The following PIGU variants were observed in gnomAD, a reference collection of about 807,000 sequenced individuals.
The protein encoded by PIGU is phosphatidylinositol glycan anchor biosynthesis class U.
Under a neutral mutation model 49.9 loss-of-function variants are expected in PIGU, and 24 were observed. The ratio of observed to expected loss-of-function variants is 0.48; its 90% CI spans 0.35 to 0.68. PIGU has a LOEUF of 0.68. PIGU is among the 30% of genes least tolerant of loss of function. PIGU has a pLI of 0.01. For synonymous variants in PIGU, 220 were observed against 205.7 expected (o/e 1.07, Z -0.59); for missense variants, 490 against 532.6 (o/e 0.92, Z 0.79).
At chr20:34,640,019 G>T (rs191488986) in intron 4 of PIGU, among the ~76,000 whole-genome samples, 7 of 152,290 alleles carry the variant, frequency 4.6e-5, no homozygotes, top group Non-Finnish European at 7.4e-5. Context: ...CACCTGGAGT[G>T]GGTGAGATCC....
chr20:34,676,839 ACAGT>A (rs1208924610), intron 1 of PIGU, 113 bp downstream of exon 1: 36 of 1,279,514 alleles, frequency 2.8e-5, no homozygotes, highest in African/African-American at 7.5e-5. Context: ...ACCCCACGAG[ACAGT>A]CAGTTAGTTC....
chr20:34,626,469 A>G (rs1451982236), intron 6 of PIGU, among the ~76,000 whole-genome samples: 2 of 151,950 alleles, frequency 1.3e-5, no homozygotes, highest in East Asian at 3.9e-4. Context: ...CGCCCTGCTA[A>G]TTTTTGTATT....
At chr20:34,565,103 G>C (rs1342532277) in intron 11 of PIGU, among the ~76,000 whole-genome samples, 1 of 152,228 alleles carries the variant, frequency 6.6e-6, no homozygotes, top group Non-Finnish European at 1.5e-5. Flanking sequence ...CCTTTGCCCA[G>C]TCTGGACAGG....
At chr20:34,624,531 G>A (rs1271330638) in intron 6 of PIGU, among the ~76,000 whole-genome samples, 1 of 152,198 alleles carries the variant, frequency 6.6e-6, no homozygotes, top group East Asian at 1.9e-4. Flanking sequence ...AAGGAAAGCT[G>A]GAAGAACCCT....
At chr20:34,591,911 G>A (rs1186530617) in intron 7 of PIGU, among the ~76,000 whole-genome samples, 1 of 152,204 alleles carries the variant, frequency 6.6e-6, no homozygotes, top group Admixed American at 6.5e-5. Flanking sequence ...TTGGTAGGCC[G>A]GCGTGTTGGC....
chr20:34,672,412 C>A (rs1418060226), intron 1 of PIGU, among the ~76,000 whole-genome samples: 1 of 152,146 alleles, frequency 6.6e-6, no homozygotes, highest in Non-Finnish European at 1.5e-5. Context: ...TGGGATACCC[C>A]CCTTGTGTAC....
At chr20:34,590,095 C>CAA (rs1211608278) in intron 7 of PIGU, among the ~76,000 whole-genome samples, 3 of 127,790 alleles carry the variant, frequency 2.3e-5, no homozygotes, top group African/African-American at 5.8e-5. Context: ...ATGTTTTCCT[C>CAA]AAAAAAAAAA....
At position 34,612,981 on chromosome 20, in the gene PIGU, T is replaced by TA. The variant is rs1476204516; in HGVS notation, c.627+3060dup. On this transcript the variant is annotated intron_variant, in intron 7 of 11. Coordinates refer to ENST00000217446, the MANE Select transcript of PIGU (RefSeq NM_080476.5). The stretch of plus-strand genomic sequence containing the variant: ...TACACCAGGCTACTTCATATATTTA[T>TA]AAAAAATATACAAATATAGTAGGAA... Among the ~76,000 whole-genome samples the TA allele has an allele frequency of 4.0e-4, 61 of 152,112 alleles. 1 individual carries two copies. The highest frequency in any genetic ancestry group is 4.4e-5 in the Non-Finnish European group (3 of 68,016).
intron 10 of PIGU, among the ~76,000 whole-genome samples, chr20:34,578,557 G>T (rs1024936569): frequency 6.6e-6 from 1 of 152,240 alleles, no homozygotes; most frequent in Non-Finnish European, 1.5e-5. Flanking sequence ...CAGACAGGGT[G>T]ACAGGAAGGA....
intron 2 of PIGU, among the ~76,000 whole-genome samples, chr20:34,652,919 G>A (rs1334681237): frequency 6.6e-6 from 1 of 150,494 alleles, no homozygotes; most frequent in African/African-American, 2.4e-5. Context: ...AAAAAATTAT[G>A]TGTTTTGCTG....
chr20:34,599,797 G>A (rs1443483683), intron 7 of PIGU, among the ~76,000 whole-genome samples: 1 of 152,186 alleles, frequency 6.6e-6, no homozygotes, highest in Non-Finnish European at 1.5e-5. Flanking sequence ...TAGATCTTAG[G>A]TGAGAGGAAT....
intron 11 of PIGU, chr20:34,562,348 C>G: frequency 5.2e-6 from 6 of 1,159,394 alleles, no homozygotes; most frequent in Non-Finnish European, 2.2e-6. Context: ...AGGCACAGAG[C>G]ACTTGGCTAT....
chr20:34,591,836 T>C (rs961591374), intron 7 of PIGU, among the ~76,000 whole-genome samples: 1 of 152,200 alleles, frequency 6.6e-6, no homozygotes, highest in African/African-American at 2.4e-5. Context: ...ATACCTCATA[T>C]TACTATTTGT....
intron 4 of PIGU, among the ~76,000 whole-genome samples, chr20:34,640,491 GCGCA>G (rs1343932240): frequency 8.2e-5 from 4 of 48,710 alleles, no homozygotes; most frequent in African/African-American, 2.1e-4. Flanking sequence ...ACACACATGT[GCGCA>G]CGCGCACACA....
intron 1 of PIGU, among the ~76,000 whole-genome samples, chr20:34,660,982 G>T (rs945099017): frequency 3.3e-5 from 5 of 151,710 alleles, no homozygotes; most frequent in African/African-American, 7.3e-5. Flanking sequence ...GTGAATGAAA[G>T]GTAAACAGGA....
intron 10 of PIGU, among the ~76,000 whole-genome samples, chr20:34,578,452 C>T (rs931604525): frequency 1.3e-5 from 2 of 152,174 alleles, no homozygotes; most frequent in African/African-American, 4.8e-5. Flanking sequence ...AATTATTTTG[C>T]TGAAAAGAAT....
chr20:34,674,492 T>C (rs151079341), intron 1 of PIGU, among the ~76,000 whole-genome samples: 2 of 152,338 alleles, frequency 1.3e-5, no homozygotes, highest in East Asian at 3.9e-4. Flanking sequence ...CTGTCCATCC[T>C]GTAAGTAACC....
At chr20:34,589,743 C>T (rs966224571) in intron 7 of PIGU, among the ~76,000 whole-genome samples, 13 of 148,518 alleles carry the variant, frequency 8.8e-5, no homozygotes, top group African/African-American at 3.2e-4. Context: ...GCAACCTCCA[C>T]CTCCCGGGTT....
intron 7 of PIGU, among the ~76,000 whole-genome samples, chr20:34,596,515 A>T (rs1227672911): frequency 1.3e-5 from 2 of 152,198 alleles, no homozygotes; most frequent in Non-Finnish European, 1.5e-5. Context: ...GGAGTGAGGG[A>T]TACAAGAAAC....
Sources: allele counts gnomAD v4.1 joint callset (sites outside exome capture counted in the v4.1 genomes callset), GRCh38; gene constraint gnomAD v4.1.1; transcripts MANE v1.5; gene names NCBI Gene and HGNC (gene_info 2026-07-23, HGNC 2026-07-21).